AGAP3: variants seen among roughly 807,000 people sequenced by gnomAD.
The protein encoded by AGAP3 is arf-GAP with GTPase, ANK repeat and PH domain-containing protein 3.
Under a neutral mutation model 96.9 loss-of-function variants are expected in AGAP3, and 24 were observed. The observed-to-expected ratio is 0.25, with a 90% CI of 0.18 to 0.35. AGAP3 has a LOEUF of 0.35. Among genes scored for constraint, AGAP3 ranks in the 10% least tolerant of loss-of-function variants. The pLI is 1.00. For missense variants in AGAP3, 876 were observed against 1,254.2 expected, an observed-to-expected ratio of 0.70 and a Z score of 4.55; for synonymous variants, 563 against 536.1, an observed-to-expected ratio of 1.05 and a Z score of -0.69.
intron 8 of AGAP3, chr7:151,122,994 G>T: frequency 7.1e-7 from 1 of 1,417,578 alleles, no homozygotes; most frequent in Non-Finnish European, 9.2e-7. Flanking sequence ...GACCAGGCCC[G>T]GCCGGACGCT....
Position 151,117,403 on chromosome 7 carries a change from G to C in AGAP3, c.511G>C (p.Gly171Arg). The C allele has an allele frequency of 6.2e-7, 1 of 1,614,222 alleles. No homozygotes were observed. Among genetic ancestry groups the C allele is most frequent in the Non-Finnish European group, 8.5e-7 (1 of 1,180,034 alleles). ...GTTTAAGAAGGAGATTGTGGTGGATGGCCAGAGTTACCTGCTGCTGATCCG... is the reference window on the plus strand; with the variant it reads ...GTTTAAGAAGGAGATTGTGGTGGATCGCCAGAGTTACCTGCTGCTGATCCG... ...GRFKKEIVVD[G>R]QSYLLLIRDE... Residue 171 changes from glycine (G) to arginine (R), a missense_variant, in exon 4 of 18, where the codon GGC becomes CGC. Physicochemically the swap from Gly to Arg is moderately radical, Grantham distance 125 (BLOSUM62 -2). This residue lies in a region of AGAP3 where 131 missense variants were observed against 304.5 expected (regional missense o/e 0.43). Coordinates refer to ENST00000397238, the MANE Select transcript of AGAP3 (RefSeq NM_031946.7).
rs1293486696 is a variant in AGAP3 at position 151,117,000 on chromosome 7, C to T, written c.391-95C>T. On this transcript the variant is annotated intron_variant, in intron 2 of 17. Coordinates refer to ENST00000397238, the MANE Select transcript of AGAP3 (RefSeq NM_031946.7). ...CCTCTCTCCTCCCCTTCAGCCCTGG[C>T]CTTTCTCCCTCCTGCTGCTTCTTTG... 3.4e-6 allele frequency: 5 copies of T among 1,476,522 alleles called. No homozygotes were observed. The Admixed American group carries it at 8.5e-5, about 25-fold the overall frequency. The allele number at this position is 1,476,522 out of a possible 1,614,324, so 91.5% of individuals were successfully genotyped here. A position where few individuals can be genotyped will look rare whatever the true frequency, so the allele number is the denominator to read the frequency against.
At chr7:151,098,723 A>G (rs973454573) in intron 1 of AGAP3, among the ~76,000 whole-genome samples, 2 of 139,886 alleles carry the variant, frequency 1.4e-5, no homozygotes, top group Non-Finnish European at 3.1e-5. Flanking sequence ...CTTTGATTCA[A>G]TTTTCTTTTC....
At chr7:151,104,561 C>T (rs948559136) in intron 1 of AGAP3, among the ~76,000 whole-genome samples, 5 of 152,164 alleles carry the variant, frequency 3.3e-5, no homozygotes, top group African/African-American at 4.8e-5. Context: ...CATGAAAAGG[C>T]GCAACCTCAC....
intron 8 of AGAP3, 116 bp downstream of exon 8, chr7:151,120,261 C>A: frequency 1.8e-6 from 2 of 1,103,964 alleles, no homozygotes; most frequent in Non-Finnish European, 1.3e-6. Flanking sequence ...ACGGTACCTG[C>A]AGTCTCTCCC....
At chr7:151,092,738 C>G (rs982745207) in intron 1 of AGAP3, among the ~76,000 whole-genome samples, 4 of 152,072 alleles carry the variant, frequency 2.6e-5, no homozygotes, top group African/African-American at 9.7e-5. Flanking sequence ...CCTGAAGCCA[C>G]GCAGTGAGGG....
chr7:151,110,545 C>T (rs117236042), intron 1 of AGAP3, among the ~76,000 whole-genome samples: 31 of 152,222 alleles, frequency 2.0e-4, no homozygotes, highest in Middle Eastern at 3.4e-3. Context: ...TGCCATTCTA[C>T]GCCAGCTGGA....
In AGAP3 at chr7:151,128,683, A is replaced by C; in HGVS notation, c.1325A>C (p.His442Pro). The C allele has an allele frequency of 6.3e-7, 1 of 1,577,904 alleles. No individual in the cohort carries two copies. The highest frequency in any genetic ancestry group is 1.1e-5 in the South Asian group (1 of 90,450). ...NGLLTYHPSLHDYMQNIHGKE... is the reference protein window; with the variant it reads ...NGLLTYHPSLPDYMQNIHGKE... ...CTGCTCACCTATCACCCCAGCCTGC[A>C]TGTGAGTCTGGGAGGAGGAGCCTCC... Residue 442 changes from histidine (H) to proline (P), a missense_variant and splice_region_variant, in exon 10 of 18, where the codon CAT becomes CCT. Physicochemically the swap from His to Pro is moderately conservative, Grantham distance 77 (BLOSUM62 -2). This residue lies in a region of AGAP3 where 63 missense variants were observed against 114.5 expected (regional missense o/e 0.55). Coordinates refer to ENST00000397238, the MANE Select transcript of AGAP3 (RefSeq NM_031946.7).
intron 2 of AGAP3, 114 bp downstream of exon 2, chr7:151,116,965 C>A: frequency 6.8e-7 from 1 of 1,460,090 alleles, no homozygotes; most frequent in South Asian, 1.2e-5. Context: ...CTCAGCTTGG[C>A]CCTCTCTGCC....
At position 151,118,602 on chromosome 7, in the gene AGAP3, C is replaced by T. The variant is rs776832196; in HGVS notation, c.939C>T (p.Ala313=). ...CGCCCAGCCACTCGGCCGTGTCCGC[C>T]GCCTCCATCCCGGCCGTGCACATCA... ...PNSPSHSAVS[A]ASIPAVHINQ... The change falls in exon 7 of 18, where the codon GCC becomes GCT. Residue 313 remains alanine (A), a synonymous_variant. Transcript: ENST00000397238. This position sits in a 1 kb window ranked among gnomAD's most constrained non-coding sequence, Gnocchi z 6.1. 23 of 1,613,882 alleles carry T rather than the reference C, an allele frequency of 1.4e-5. No individual in the cohort carries two copies. The highest frequency in any genetic ancestry group is 4.4e-5 in the South Asian group (4 of 91,070).
At chr7:151,121,744 T>C (rs1453478224) in intron 8 of AGAP3, among the ~76,000 whole-genome samples, 1 of 152,230 alleles carries the variant, frequency 6.6e-6, no homozygotes, top group African/African-American at 2.4e-5. Flanking sequence ...TATATTTTCC[T>C]TCCATTGTTT....
At chr7:151,130,774 G>A (rs1044974024) in intron 10 of AGAP3, among the ~76,000 whole-genome samples, 4 of 152,068 alleles carry the variant, frequency 2.6e-5, no homozygotes, top group South Asian at 4.1e-4. Context: ...ACAGCTCTCC[G>A]TGGAGCTCTG....
chr7:151,111,621 C>T (rs1469888256), intron 1 of AGAP3, among the ~76,000 whole-genome samples: 4 of 152,042 alleles, frequency 2.6e-5, no homozygotes, highest in Admixed American at 6.5e-5. Context: ...GCACCCGAGG[C>T]CCAGGCCAGC....
Position 151,141,886 on chromosome 7 carries a change from C to G in AGAP3, c.1805-12C>G. 3 of 1,613,566 alleles carry G rather than the reference C, an allele frequency of 1.9e-6. No homozygotes were observed. Among genetic ancestry groups the G allele is most frequent in the Non-Finnish European group, 1.7e-6 (2 of 1,179,680 alleles). On this transcript the variant is annotated splice_polypyrimidine_tract_variant and intron_variant, in intron 13 of 17. Transcript: ENST00000397238. This position sits in a 1 kb window ranked among gnomAD's most constrained non-coding sequence, Gnocchi z 4.2. ...GCCAGGAGCCCTGATGGCATAAACACCCCCCCAACAGAGGCAGAGGAGTCG... is the reference window on the plus strand; with the variant it reads ...GCCAGGAGCCCTGATGGCATAAACAGCCCCCCAACAGAGGCAGAGGAGTCG...
At chr7:151,092,485 G>A (rs528848643) in intron 1 of AGAP3, among the ~76,000 whole-genome samples, 2 of 152,308 alleles carry the variant, frequency 1.3e-5, no homozygotes, top group East Asian at 1.9e-4. Context: ...ATTTTGGAGC[G>A]CAGAGTTGAG....
At chr7:151,122,817 G>A (rs750163827) in intron 8 of AGAP3, 1 of 1,613,534 alleles carries the variant, frequency 6.2e-7, no homozygotes, top group South Asian at 1.1e-5. Context: ...CAGCACCTCT[G>A]GACATGCCCC....
At chr7:151,116,891 G>T (rs766647711) in intron 2 of AGAP3, 40 bp downstream of exon 2, 3 of 1,551,466 alleles carry the variant, frequency 1.9e-6, no homozygotes, top group East Asian at 2.3e-5. Context: ...GCCTGGAGCT[G>T]GGGGGGCGAG....
Position 151,134,585 on chromosome 7 carries a change from G to A in AGAP3, c.1495+17G>A, listed in dbSNP as rs1257702927. The A allele has an allele frequency of 1.3e-6, 2 of 1,590,074 alleles. No homozygotes were observed. Among genetic ancestry groups the A allele is most frequent in the Non-Finnish European group, 1.7e-6 (2 of 1,165,646 alleles). ...GGGGCACAGGTGAGGCGGCTGCTGA[G>A]GTGGGGGCCTGGGGGGTGGCTGCCT... On this transcript the variant is annotated intron_variant, in intron 11 of 17. Coordinates refer to ENST00000397238, the MANE Select transcript of AGAP3 (RefSeq NM_031946.7).
rs1386471329 is a variant in AGAP3 at position 151,142,540 on chromosome 7, C to T, written c.2179C>T (p.Leu727=). Residue 727 remains leucine (L), a synonymous_variant, in exon 16 of 18, where the codon CTG becomes TTG. Coordinates refer to ENST00000397238, the MANE Select transcript of AGAP3 (RefSeq NM_031946.7). The surrounding 1 kb of genome is among the most constrained non-coding windows in gnomAD (Gnocchi z 7.5). Reference sequence around the variant, plus strand: ...CCTCGATGACTGGCCGCCTGAGCTGCTGGCTGTCATGACTGCCATGGGCAA... The same window carrying T: ...CCTCGATGACTGGCCGCCTGAGCTGTTGGCTGTCATGACTGCCATGGGCAA... ...LDLDDWPPEL[L]AVMTAMGNAL... 11 of 1,613,680 alleles carry T rather than the reference C, an allele frequency of 6.8e-6. No individual in the cohort carries two copies. Among genetic ancestry groups the T allele is most frequent in the South Asian group, 1.1e-5 (1 of 91,086 alleles).
Sources: allele counts gnomAD v4.1 joint callset (sites outside exome capture counted in the v4.1 genomes callset), GRCh38; gene constraint gnomAD v4.1.1; regional missense constraint gnomAD v4.1.1; non-coding constraint Gnocchi (gnomAD v3.1); transcripts MANE v1.5; gene names NCBI Gene and HGNC (gene_info 2026-07-23, HGNC 2026-07-21).